Variants in CACNA2D1 observed in about 807,000 individuals in gnomAD.
CACNA2D1 encodes voltage-dependent calcium channel subunit alpha-2/delta-1.
A neutral mutation model predicts 171.5 loss-of-function variants in CACNA2D1; 53 were observed. The observed-to-expected ratio is 0.31, with a 90% CI of 0.25 to 0.39. CACNA2D1 has a LOEUF of 0.39. Ranked by LOEUF, CACNA2D1 falls within the 10% of genes least tolerant of loss-of-function variation. The pLI is 1.00. For synonymous variants in CACNA2D1, 442 were observed against 443.1 expected, an observed-to-expected ratio of 1.00 and a Z score of 0.03; for missense variants, 903 against 1,299.8, an observed-to-expected ratio of 0.69 and a Z score of 4.69.
chr7:82,195,710 C>T (rs1204865152), intron 3 of CACNA2D1, among the ~76,000 whole-genome samples: 1 of 151,362 alleles, frequency 6.6e-6, no homozygotes, highest in Non-Finnish European at 1.5e-5. Flanking sequence ...AAATTGAAAC[C>T]TTTCAACCCT....
At chr7:82,019,716 A>G (rs1800954945) in intron 12 of CACNA2D1, among the ~76,000 whole-genome samples, 1 of 152,212 alleles carries the variant, frequency 6.6e-6, no homozygotes, top group South Asian at 2.1e-4. Flanking sequence ...GAACCCAGTT[A>G]CTGGAAACTG....
rs773180756 is a variant in CACNA2D1 at position 81,961,973 on chromosome 7, T to C, written c.2887A>G (p.Ile963Val). 3 of 1,612,356 alleles carry C rather than the reference T, an allele frequency of 1.9e-6. No homozygotes were observed. Among genetic ancestry groups the C allele is most frequent in the Non-Finnish European group, 2.5e-6 (3 of 1,178,850 alleles). Residue 963 changes from isoleucine (I) to valine (V), a missense_variant, in exon 36 of 39, where the codon ATT (isoleucine) becomes GTT (valine). Around this residue, in one of 5 missense-constraint regions of CACNA2D1, gnomAD observed 623 missense variants for 925.5 expected, o/e 0.67. Coordinates refer to ENST00000356860, the MANE Select transcript of CACNA2D1 (RefSeq NM_000722.4). ...FTASLSKQSC[I>V]TEQTQYFFDN... is the part of the protein sequence containing the mutation. ...AAGAAATACTGGGTTTGTTCAGTAATGCAGCTCTGCTTGGACAGGGAGGCC... is the reference window on the plus strand; with the variant it reads ...AAGAAATACTGGGTTTGTTCAGTAACGCAGCTCTGCTTGGACAGGGAGGCC...
At chr7:82,319,128 C>CA (rs1309760130) in intron 3 of CACNA2D1, among the ~76,000 whole-genome samples, 1 of 151,948 alleles carries the variant, frequency 6.6e-6, no homozygotes, top group Admixed American at 6.6e-5. Context: ...TGAGTAAATA[C>CA]AAAAAAGTCC....
intron 38 of CACNA2D1, among the ~76,000 whole-genome samples, chr7:81,957,880 T>C (rs925541136): frequency 7.2e-5 from 11 of 152,098 alleles, no homozygotes; most frequent in Non-Finnish European, 1.6e-4. Flanking sequence ...TTTTGGGCAA[T>C]AGGCTTTTAA....
At chr7:82,432,902 T>G (rs1438574018) in intron 1 of CACNA2D1, among the ~76,000 whole-genome samples, 1 of 152,202 alleles carries the variant, frequency 6.6e-6, no homozygotes, top group Non-Finnish European at 1.5e-5. Flanking sequence ...TCTAATGACA[T>G]CGGCTGGGTG....
At chr7:81,986,508 A>C (rs1020123818) in intron 21 of CACNA2D1, among the ~76,000 whole-genome samples, 3 of 138,386 alleles carry the variant, frequency 2.2e-5, no homozygotes, top group African/African-American at 9.0e-5. Flanking sequence ...AATAGGGAAA[A>C]ACATAAAATT....
At chr7:82,281,180 G>C (rs1810050412) in intron 3 of CACNA2D1, among the ~76,000 whole-genome samples, 1 of 152,238 alleles carries the variant, frequency 6.6e-6, no homozygotes, top group Non-Finnish European at 1.5e-5. Flanking sequence ...CAGTGGAAAA[G>C]AGAGATTTTT....
chr7:82,061,002 A>G (rs970582298), intron 9 of CACNA2D1, among the ~76,000 whole-genome samples: 2 of 152,130 alleles, frequency 1.3e-5, no homozygotes, highest in Non-Finnish European at 2.9e-5. Flanking sequence ...AATATCCTCT[A>G]GAATTTATTC....
intron 25 of CACNA2D1, 84 bp downstream of exon 25, chr7:81,974,371 G>T (rs1795606000): frequency 9.8e-6 from 7 of 715,440 alleles, no homozygotes; most frequent in Non-Finnish European, 1.8e-5. Flanking sequence ...ACAATATAAA[G>T]TAATATGATT....
At chr7:82,069,135 T>TA (rs1427342351) in intron 7 of CACNA2D1, among the ~76,000 whole-genome samples, 1 of 152,186 alleles carries the variant, frequency 6.6e-6, no homozygotes, top group African/African-American at 2.4e-5. Context: ...TCCCTTGTTG[T>TA]AAAATCCCAT....
At chr7:82,236,562 T>G (rs1174509623) in intron 3 of CACNA2D1, among the ~76,000 whole-genome samples, 1 of 152,136 alleles carries the variant, frequency 6.6e-6, no homozygotes, top group Non-Finnish European at 1.5e-5. Context: ...AATGTGACAT[T>G]CATAATTTAA....
At chr7:82,181,089 A>G (rs1265888630) in intron 3 of CACNA2D1, among the ~76,000 whole-genome samples, 7 of 75,540 alleles carry the variant, frequency 9.3e-5, no homozygotes, top group Non-Finnish European at 1.8e-4. Flanking sequence ...CGTCAGTGAG[A>G]TGAGAAACAA....
At chr7:81,998,810 G>A (rs1446942550) in intron 18 of CACNA2D1, among the ~76,000 whole-genome samples, 2 of 152,022 alleles carry the variant, frequency 1.3e-5, no homozygotes, top group Non-Finnish European at 2.9e-5. Context: ...TTGAAATGCA[G>A]CGTATTTTAA....
intron 1 of CACNA2D1, among the ~76,000 whole-genome samples, chr7:82,421,713 C>A (rs552401995): frequency 6.6e-6 from 1 of 152,286 alleles, no homozygotes; most frequent in African/African-American, 2.4e-5. Context: ...AAGGTGCTTA[C>A]CTCCATACAG....
At chr7:81,962,171 T>A in intron 35 of CACNA2D1, 148 bp from the exon 36 acceptor site, 1 of 718,944 alleles carries the variant, frequency 1.4e-6, no homozygotes, top group Admixed American at 2.7e-5. Flanking sequence ...CTGTGTAATA[T>A]CGTGGCAGCC....
chr7:82,186,350 A>T (rs1402393558), intron 3 of CACNA2D1, among the ~76,000 whole-genome samples: 1 of 152,114 alleles, frequency 6.6e-6, no homozygotes, highest in Admixed American at 6.6e-5. Flanking sequence ...AACCTCTTAA[A>T]TACGCCCCCT....
chr7:81,954,118 T>C (rs1792927099), intron 38 of CACNA2D1, among the ~76,000 whole-genome samples: 1 of 152,130 alleles, frequency 6.6e-6, no homozygotes. Context: ...GCATACATTC[T>C]ACACAAATGC....
chr7:82,225,467 C>A (rs2129264116), intron 3 of CACNA2D1, among the ~76,000 whole-genome samples: 1 of 152,184 alleles, frequency 6.6e-6, no homozygotes, highest in African/African-American at 2.4e-5. Context: ...AAAAAATATG[C>A]AAAATTTTGT....
At chr7:82,172,784 T>TAA (rs767526951) in intron 3 of CACNA2D1, among the ~76,000 whole-genome samples, 7 of 135,464 alleles carry the variant, frequency 5.2e-5, no homozygotes, top group African/African-American at 1.1e-4. Flanking sequence ...TTCCCCCATT[T>TAA]AAAAAAAAAA....
Sources: allele counts gnomAD v4.1 joint callset (sites outside exome capture counted in the v4.1 genomes callset), GRCh38; gene constraint gnomAD v4.1.1; regional missense constraint gnomAD v4.1.1; transcripts MANE v1.5; gene names NCBI Gene and HGNC (gene_info 2026-07-23, HGNC 2026-07-21).